Variants in DNAAF10 observed in about 807,000 individuals in gnomAD.
The protein encoded by DNAAF10 is WD repeat domain 92.
In DNAAF10, 28 loss-of-function variants were observed where a neutral mutation model predicts 43.7. The ratio of observed to expected loss-of-function variants is 0.64; its 90% CI spans 0.48 to 0.88. DNAAF10 has a LOEUF of 0.88. Ranked by LOEUF, DNAAF10 falls within the 40% of genes least tolerant of loss-of-function variation. DNAAF10 has a pLI of 0.00. For synonymous variants in DNAAF10, 156 were observed against 157.3 expected (o/e 0.99, Z 0.06); for missense variants, 403 against 439.1 (o/e 0.92, Z 0.73).
intron 1 of DNAAF10, chr2:68,157,042 G>C: frequency 1.5e-6 from 1 of 653,546 alleles, no homozygotes; most frequent in South Asian, 2.0e-5. Flanking sequence ...ACTGCACTGG[G>C]GGTGGCAGGA....
At chr2:68,151,780 T>C (rs538254940) in intron 1 of DNAAF10, among the ~76,000 whole-genome samples, 1 of 152,278 alleles carries the variant, frequency 6.6e-6, no homozygotes, top group Admixed American at 6.5e-5. Flanking sequence ...ATCATGAAAA[T>C]AGCAACCATC....
In DNAAF10 at chr2:68,142,751, G is replaced by A. The variant is rs17035008; in HGVS notation, c.416-956C>T. Among the ~76,000 whole-genome samples, 414 of 149,900 alleles carry A rather than the reference G, an allele frequency of 2.8e-3. 2 individuals are homozygous for A. The highest frequency in any genetic ancestry group is 6.4e-3 in the African/African-American group (260 of 40,492). On this transcript the variant is annotated intron_variant, in intron 3 of 7. Transcript: ENST00000295121. ...ATGCATGTAATAAAATGGCTAAAAG[G>A]CAAGTACCTGAGAATAAGAAAAGGG...
At chr2:68,141,944 T>G in intron 3 of DNAAF10, 149 bp from the exon 4 acceptor site, 1 of 659,862 alleles carries the variant, frequency 1.5e-6, no homozygotes, top group Non-Finnish European at 2.6e-6. Flanking sequence ...GACTTCTAAT[T>G]GGGTAAGTTG....
chr2:68,156,475 T>C (rs999817673), intron 1 of DNAAF10, among the ~76,000 whole-genome samples: 3 of 152,200 alleles, frequency 2.0e-5, no homozygotes, highest in African/African-American at 7.2e-5. Context: ...CTAGTTACTA[T>C]CATTATTCTC....
intron 7 of DNAAF10, among the ~76,000 whole-genome samples, chr2:68,133,441 C>G (rs945925547): frequency 1.3e-5 from 2 of 152,014 alleles, no homozygotes; most frequent in Non-Finnish European, 2.9e-5. Context: ...TTGCCATAAT[C>G]ATACTGCTTC....
intron 2 of DNAAF10, 25 bp downstream of exon 2, chr2:68,147,442 C>T: frequency 6.4e-7 from 1 of 1,566,116 alleles, no homozygotes; most frequent in Non-Finnish European, 8.8e-7. Context: ...TCTCATCTGT[C>T]TGAATACTGA....
At chr2:68,150,000 T>C (rs1673414410) in intron 1 of DNAAF10, among the ~76,000 whole-genome samples, 1 of 152,198 alleles carries the variant, frequency 6.6e-6, no homozygotes. Flanking sequence ...AGAGAAGCAC[T>C]GGGAAGACTG....
rs1673652482 is a variant in DNAAF10 at position 68,157,312 on chromosome 2, GC to G, written c.131del (p.Gly44AlafsTer13). 1 of 1,613,990 alleles carries G rather than the reference GC, an allele frequency of 6.2e-7. No individual in the cohort carries two copies. The highest frequency in any genetic ancestry group is 1.3e-5 in the African/African-American group (1 of 74,916). Reference protein sequence around the residue: ...VTMGNFARGTGVIQLYEIQHG... With the variant: ...VTMGNFARGTXVIQLYEIQHG... Reference sequence around the variant, plus strand: ...GCTGGATCTCGTACAGCTGAATGACGCCGGTGCCCCGTGCGAAGTTGCCCAT... The same window carrying G: ...GCTGGATCTCGTACAGCTGAATGACGCGGTGCCCCGTGCGAAGTTGCCCAT... On this transcript the variant is annotated frameshift_variant, in exon 1 of 8. Coordinates refer to ENST00000295121, the MANE Select transcript of DNAAF10 (RefSeq NM_138458.4). LOFTEE classifies it high-confidence loss of function.
intron 1 of DNAAF10, among the ~76,000 whole-genome samples, chr2:68,148,674 C>G (rs934717249): frequency 6.6e-6 from 1 of 152,202 alleles, no homozygotes; most frequent in African/African-American, 2.4e-5. Flanking sequence ...CCACATCACA[C>G]TCTTGCCATA....
At chr2:68,150,537 A>G (rs963494162) in intron 1 of DNAAF10, among the ~76,000 whole-genome samples, 3 of 152,208 alleles carry the variant, frequency 2.0e-5, no homozygotes, top group African/African-American at 7.2e-5. Flanking sequence ...GTTCAAGACC[A>G]GCCTGGCCAA....
At chr2:68,156,942 G>T in intron 1 of DNAAF10, 1 of 399,568 alleles carries the variant, frequency 2.5e-6, no homozygotes, top group Non-Finnish European at 4.6e-6. Flanking sequence ...ACATCCCTGG[G>T]AATACCAGGC....
rs539849860 is a variant in DNAAF10 at position 68,130,370 on chromosome 2, T to C, written c.*868A>G. The C allele has an allele frequency of 1.7e-3, 260 of 152,040 alleles. No homozygotes were observed. Among genetic ancestry groups the C allele is most frequent in the African/African-American group, 6.2e-3 (256 of 41,476 alleles). The allele number at this position is 152,040 out of a possible 1,614,324, so 9.4% of individuals were successfully genotyped here. ...TGGTCTCGAATTCCTGACCTCGTGA[T>C]TCACCCGCCTCAGCCTCCCAAAGTG... On this transcript the variant is annotated 3_prime_UTR_variant, in exon 8 of 8. Coordinates refer to ENST00000295121, the MANE Select transcript of DNAAF10 (RefSeq NM_138458.4).
intron 3 of DNAAF10, among the ~76,000 whole-genome samples, chr2:68,144,129 G>T (rs1164896229): frequency 6.6e-6 from 1 of 152,172 alleles, no homozygotes; most frequent in Non-Finnish European, 1.5e-5. Flanking sequence ...CTGAGTTGGT[G>T]CCTTTGGAAC....
At chr2:68,140,436 C>T (rs1673150466) in intron 4 of DNAAF10, among the ~76,000 whole-genome samples, 1 of 152,214 alleles carries the variant, frequency 6.6e-6, no homozygotes, top group Admixed American at 6.5e-5. Flanking sequence ...TCATCTTGGA[C>T]ATTATCCTTT....
At chr2:68,155,225 C>T (rs1333700282) in intron 1 of DNAAF10, among the ~76,000 whole-genome samples, 1 of 151,986 alleles carries the variant, frequency 6.6e-6, no homozygotes, top group Non-Finnish European at 1.5e-5. Context: ...GGTGCAATGG[C>T]TCATGTCTGT....
intron 1 of DNAAF10, among the ~76,000 whole-genome samples, chr2:68,156,508 C>T (rs58565565): frequency 0.025 from 3,763 of 152,248 alleles, 158 homozygotes; most frequent in African/African-American, 0.086. Flanking sequence ...TAGTAATCTT[C>T]AAAAAAACCT....
Position 68,141,801 on chromosome 2 carries a change from A to T in DNAAF10, c.416-6T>A. ...GTCCCACACCTTCACAGTTCCTGCC[A>T]TGCATAAAAGTGAGTTGGCAAAAAT... is the stretch of plus-strand genomic sequence containing the variant. On this transcript the variant is annotated splice_polypyrimidine_tract_variant and splice_region_variant and intron_variant, in intron 3 of 7. Coordinates refer to ENST00000295121, the MANE Select transcript of DNAAF10 (RefSeq NM_138458.4). 1 of 1,612,944 alleles carries T rather than the reference A, an allele frequency of 6.2e-7. No individual in the cohort carries two copies. Among genetic ancestry groups the T allele is most frequent in the Non-Finnish European group, 8.5e-7 (1 of 1,179,526 alleles).
chr2:68,153,058 G>A (rs779558347), intron 1 of DNAAF10, among the ~76,000 whole-genome samples: 3 of 151,894 alleles, frequency 2.0e-5, no homozygotes, highest in Non-Finnish European at 2.9e-5. Flanking sequence ...GTATCTTTGT[G>A]CCAATGAGAA....
At chr2:68,147,113 CT>C (rs1673335774) in intron 2 of DNAAF10, among the ~76,000 whole-genome samples, 1 of 152,122 alleles carries the variant, frequency 6.6e-6, no homozygotes, top group Admixed American at 6.6e-5. Context: ...ATAATATCTA[CT>C]TTTTCAGTGT....
Sources: gnomAD v4.1 joint callset for allele counts (sites outside exome capture counted in the v4.1 genomes callset) on GRCh38, gnomAD v4.1.1 for gene constraint, MANE v1.5 for transcripts, NCBI Gene and HGNC (gene_info 2026-07-23, HGNC 2026-07-21) for gene names.